Variants in CNTN5 observed in about 807,000 individuals in gnomAD.
CNTN5 encodes contactin 5, also known as contactin-5.
CNTN5 carries 77 observed loss-of-function variants against 129.1 expected under a neutral mutation model. That is an observed-to-expected ratio of 0.60 (90% CI 0.50 to 0.72). The LOEUF (loss-of-function observed/expected upper bound fraction) is 0.72, where lower values mean the gene tolerates loss of function less well. CNTN5 is among the 30% of genes least tolerant of loss of function. The probability of loss-of-function intolerance (pLI) is 0.00; values close to 1 mark genes in which losing one functional copy is unlikely to be tolerated. For missense variants in CNTN5, 1,478 were observed against 1,328.8 expected (o/e 1.11, Z -1.75); for synonymous variants, 509 against 465.6 (o/e 1.09, Z -1.20).
chr11:99,367,917 C>T (rs752742907), intron 2 of CNTN5, among the ~76,000 whole-genome samples: 1 of 152,110 alleles, frequency 6.6e-6, no homozygotes, highest in Non-Finnish European at 1.5e-5. Flanking sequence ...AAATAATGGA[C>T]TTGGCTTTTT....
At chr11:99,910,498 G>T (rs1186887316) in intron 6 of CNTN5, among the ~76,000 whole-genome samples, 6 of 151,994 alleles carry the variant, frequency 3.9e-5, no homozygotes, top group Non-Finnish European at 7.4e-5. Context: ...TTAATAAGAT[G>T]TCCTTATTGA....
intron 2 of CNTN5, among the ~76,000 whole-genome samples, chr11:99,386,230 A>T (rs1027585109): frequency 1.3e-5 from 2 of 152,216 alleles, no homozygotes; most frequent in Non-Finnish European, 2.9e-5. Flanking sequence ...ATCCAGACCC[A>T]AGAGAGGGTT....
chr11:99,460,510 A>T (rs1032131482), intron 2 of CNTN5, among the ~76,000 whole-genome samples: 1 of 151,994 alleles, frequency 6.6e-6, no homozygotes, highest in African/African-American at 2.4e-5. Context: ...TACAAGGAAT[A>T]ATTCATTTTT....
chr11:99,041,865 A>G (rs907338481), intron 1 of CNTN5, among the ~76,000 whole-genome samples: 2 of 152,238 alleles, frequency 1.3e-5, no homozygotes, highest in African/African-American at 2.4e-5. Context: ...CCATGGCACT[A>G]GCCTAATTTG....
chr11:99,328,233 A>C (rs1277872314), intron 2 of CNTN5, among the ~76,000 whole-genome samples: 2 of 152,190 alleles, frequency 1.3e-5, no homozygotes, highest in African/African-American at 2.4e-5. Flanking sequence ...GTGTGGCCAG[A>C]ATTGACAAAA....
intron 1 of CNTN5, among the ~76,000 whole-genome samples, chr11:99,172,442 G>A (rs1051618264): frequency 6.6e-6 from 1 of 152,110 alleles, no homozygotes; most frequent in Non-Finnish European, 1.5e-5. Context: ...ACCTTTTGAT[G>A]AGAAAATTGT....
intron 2 of CNTN5, among the ~76,000 whole-genome samples, chr11:99,550,946 C>CA (rs1948460514): frequency 6.6e-6 from 1 of 152,056 alleles, no homozygotes; most frequent in South Asian, 2.1e-4. Context: ...GAGCATTTGG[C>CA]AAAAAGTTTG....
chr11:99,107,199 A>G (rs1345132323), intron 1 of CNTN5, among the ~76,000 whole-genome samples: 3 of 152,194 alleles, frequency 2.0e-5, no homozygotes, highest in Non-Finnish European at 4.4e-5. Context: ...ATAATAGAAG[A>G]GAAATATGTT....
rs369560126 is a variant in CNTN5, at chr11:99,934,872, C to CTGTGTGTGTG, written c.673+18741_673+18750dup. 4.5e-3 allele frequency among the ~76,000 whole-genome samples: 224 copies of CTGTGTGTGTG among 50,040 alleles called. 16 individuals are homozygous for CTGTGTGTGTG. Among genetic ancestry groups the CTGTGTGTGTG allele is most frequent in the South Asian group, 0.012 (11 of 940 alleles). 32.8% of individuals were successfully genotyped at this position (50,040 alleles called of 152,430 possible). A position where few individuals can be genotyped will look rare whatever the true frequency, so the allele number is the denominator to read the frequency against. On this transcript the variant is annotated intron_variant, in intron 7 of 24. Coordinates refer to ENST00000524871, the MANE Select transcript of CNTN5 (RefSeq NM_014361.4). ...CCTGGGCAACAGAGTGAGACTCAGTCTGTGTGTGTGTGTGTGTGTGTGTGT... is the reference window on the plus strand; with the variant it reads ...CCTGGGCAACAGAGTGAGACTCAGTCTGTGTGTGTGTGTGTGTGTGTGTGTGTGTGTGTGT...
intron 13 of CNTN5, among the ~76,000 whole-genome samples, chr11:100,134,667 T>C (rs1005087944): frequency 6.6e-6 from 1 of 152,186 alleles, no homozygotes; most frequent in African/African-American, 2.4e-5. Context: ...AAAATGCTTG[T>C]GCAACAAAAC....
chr11:99,644,609 A>G (rs1951883378), intron 3 of CNTN5, among the ~76,000 whole-genome samples: 1 of 152,216 alleles, frequency 6.6e-6, no homozygotes, highest in African/African-American at 2.4e-5. Context: ...TATAAGCGCA[A>G]GAAATCAGTC....
intron 9 of CNTN5, among the ~76,000 whole-genome samples, chr11:100,016,782 G>A (rs1056754695): frequency 2.0e-5 from 3 of 151,748 alleles, no homozygotes; most frequent in African/African-American, 4.8e-5. Flanking sequence ...TGAATATGCC[G>A]AGACATAAAC....
At chr11:100,307,818 T>C (rs1440324914) in intron 20 of CNTN5, among the ~76,000 whole-genome samples, 2 of 151,634 alleles carry the variant, frequency 1.3e-5, no homozygotes, top group African/African-American at 2.4e-5. Context: ...TGAACATTTT[T>C]AACGCCAAGC....
chr11:99,630,153 GA>G (rs1408356139), intron 3 of CNTN5, among the ~76,000 whole-genome samples: 4 of 151,474 alleles, frequency 2.6e-5, no homozygotes, highest in African/African-American at 7.3e-5. Flanking sequence ...AATAAAGATG[GA>G]TTTGTACTGA....
chr11:100,086,830 C>A (rs1386965059), intron 13 of CNTN5, among the ~76,000 whole-genome samples: 1 of 151,286 alleles, frequency 6.6e-6, no homozygotes, highest in African/African-American at 2.4e-5. Flanking sequence ...TATAAAATTT[C>A]CCCACTATCA....
chr11:99,287,195 T>C (rs1419111855), intron 1 of CNTN5, among the ~76,000 whole-genome samples: 2 of 152,148 alleles, frequency 1.3e-5, no homozygotes, highest in East Asian at 3.9e-4. Context: ...ACTTAGGTGG[T>C]TGAACTTGTT....
At chr11:99,624,251 AGTT>A (rs34817395) in intron 3 of CNTN5, among the ~76,000 whole-genome samples, 33,975 of 151,892 alleles carry the variant, frequency 0.22, 4,114 homozygotes, top group Middle Eastern at 0.33. Flanking sequence ...TCTATATAAT[AGTT>A]GTTTTAATTG....
At chr11:99,771,817 A>T (rs563237173) in intron 3 of CNTN5, among the ~76,000 whole-genome samples, 3 of 152,010 alleles carry the variant, frequency 2.0e-5, no homozygotes, top group African/African-American at 7.2e-5. Flanking sequence ...AATGATGGCA[A>T]CTGCGTGAGG....
intron 3 of CNTN5, among the ~76,000 whole-genome samples, chr11:99,637,742 TCTTGC>T (rs1951617466): frequency 6.6e-6 from 1 of 151,840 alleles, no homozygotes; most frequent in African/African-American, 2.4e-5. Context: ...ATTATATCAG[TCTTGC>T]CTTTACATTT....
Sources: gnomAD v4.1 joint callset for allele counts (sites outside exome capture counted in the v4.1 genomes callset) on GRCh38, gnomAD v4.1.1 for gene constraint, MANE v1.5 for transcripts, NCBI Gene and HGNC (gene_info 2026-07-23, HGNC 2026-07-21) for gene names.